The following NRG1 variants were observed in gnomAD, a reference collection of about 807,000 sequenced individuals.
NRG1 encodes the protein neuregulin 1, also known as pro-neuregulin-1, membrane-bound isoform.
NRG1 carries 18 observed loss-of-function variants against 63.8 expected under a neutral mutation model. The ratio of observed to expected loss-of-function variants is 0.28; its 90% confidence interval spans 0.19 to 0.42. The LOEUF (loss-of-function observed/expected upper bound fraction) is 0.42. Ranked by LOEUF, NRG1 falls within the 10% of genes least tolerant of loss-of-function variation. The probability of loss-of-function intolerance (pLI) is 1.00; values close to 1 mark genes in which losing one functional copy is unlikely to be tolerated. For missense variants in NRG1, 762 were observed against 814.7 expected (o/e 0.94, Z 0.79); for synonymous variants, 302 against 301.3 (o/e 1.00, Z -0.02).
At chr8:31,891,898 C>G (rs1456912821) in intron 1 of NRG1, among the ~76,000 whole-genome samples, 1 of 152,128 alleles carries the variant, frequency 6.6e-6, no homozygotes, top group Non-Finnish European at 1.5e-5. Flanking sequence ...AAAGGCCAAT[C>G]TCAAAAAATT....
At chr8:31,669,515 A>G (rs1806896085) in intron 1 of NRG1, among the ~76,000 whole-genome samples, 1 of 152,184 alleles carries the variant, frequency 6.6e-6, no homozygotes, top group African/African-American at 2.4e-5. Flanking sequence ...CTGGGATTAC[A>G]GACATGAGAC....
intron 1 of NRG1, among the ~76,000 whole-genome samples, chr8:32,448,265 A>G (rs1202930250): frequency 1.3e-5 from 2 of 152,224 alleles, no homozygotes; most frequent in African/African-American, 4.8e-5. Flanking sequence ...AGCATAAACC[A>G]CCAAAAGGAC....
chr8:32,610,745 A>G (rs777460615), intron 3 of NRG1, among the ~76,000 whole-genome samples: 12 of 152,196 alleles, frequency 7.9e-5, no homozygotes, highest in African/African-American at 1.4e-4. Flanking sequence ...TGTAGTAGAC[A>G]TATATCAACC....
At chr8:32,196,723 C>A (rs997134486) in intron 1 of NRG1, among the ~76,000 whole-genome samples, 1 of 152,022 alleles carries the variant, frequency 6.6e-6, no homozygotes, top group Non-Finnish European at 1.5e-5. Flanking sequence ...TTTTCAAACA[C>A]ATTCAAATAA....
At chr8:32,634,975 T>C (rs1196648600) in intron 5 of NRG1, among the ~76,000 whole-genome samples, 3 of 152,210 alleles carry the variant, frequency 2.0e-5, no homozygotes, top group South Asian at 2.1e-4. Flanking sequence ...ATCAGTTACT[T>C]TGCATACTGA....
intron 5 of NRG1, among the ~76,000 whole-genome samples, chr8:32,635,540 A>ATT (rs371951843): frequency 9.6e-4 from 143 of 149,098 alleles, no homozygotes; most frequent in Non-Finnish European, 1.7e-3. Context: ...TTTAGCCCTG[A>ATT]TTTTTTTTTT....
chr8:31,763,782 C>T (rs1437827893), intron 1 of NRG1, among the ~76,000 whole-genome samples: 1 of 152,142 alleles, frequency 6.6e-6, no homozygotes, highest in African/African-American at 2.4e-5. Flanking sequence ...AACCCCGTCT[C>T]TACTAAAAAT....
At chr8:31,837,347 A>G (rs1322169348) in intron 1 of NRG1, among the ~76,000 whole-genome samples, 2 of 152,002 alleles carry the variant, frequency 1.3e-5, no homozygotes, top group East Asian at 3.9e-4. Flanking sequence ...ATAAAATAGT[A>G]ATTATTTTTA....
chr8:32,698,267 A>T (rs1367461672), intron 5 of NRG1, among the ~76,000 whole-genome samples: 1 of 152,092 alleles, frequency 6.6e-6, no homozygotes, highest in Non-Finnish European at 1.5e-5. Flanking sequence ...TAAGTAAAGG[A>T]TAAGGAGAGA....
intron 5 of NRG1, among the ~76,000 whole-genome samples, chr8:32,676,314 A>T (rs1783827907): frequency 6.6e-6 from 1 of 152,216 alleles, no homozygotes; most frequent in Non-Finnish European, 1.5e-5. Context: ...ACAGGTGGCC[A>T]TGACCCCAGG....
At chr8:32,309,826 T>A (rs1856617550) in intron 1 of NRG1, among the ~76,000 whole-genome samples, 1 of 152,128 alleles carries the variant, frequency 6.6e-6, no homozygotes, top group East Asian at 1.9e-4. Context: ...TCCCCCAAAT[T>A]CCGCCTCCCA....
At chr8:32,271,934 C>A (rs1851593832) in intron 1 of NRG1, among the ~76,000 whole-genome samples, 1 of 152,174 alleles carries the variant, frequency 6.6e-6, no homozygotes, top group African/African-American at 2.4e-5. Flanking sequence ...GCAGTCCAGA[C>A]AGAGGCCTTA....
chr8:32,165,154 T>C (rs1016711106), intron 1 of NRG1, among the ~76,000 whole-genome samples: 4 of 151,832 alleles, frequency 2.6e-5, no homozygotes, highest in Non-Finnish European at 4.4e-5. Context: ...TTTTTTTTTT[T>C]CAGAGACAGT....
intron 1 of NRG1, among the ~76,000 whole-genome samples, chr8:32,521,308 T>G (rs1830320929): frequency 6.6e-6 from 1 of 152,300 alleles, no homozygotes; most frequent in Admixed American, 6.5e-5. Flanking sequence ...AAATAGTTGG[T>G]TTTGACAACA....
intron 1 of NRG1, among the ~76,000 whole-genome samples, chr8:32,258,040 T>A (rs1849929194): frequency 6.6e-6 from 1 of 152,216 alleles, no homozygotes; most frequent in African/African-American, 2.4e-5. Context: ...GTTTCCAATA[T>A]AGGACACATA....
intron 1 of NRG1, among the ~76,000 whole-genome samples, chr8:32,420,211 G>A (rs1370428403): frequency 6.6e-6 from 1 of 152,162 alleles, no homozygotes; most frequent in Non-Finnish European, 1.5e-5. Context: ...CGGTGGGGTG[G>A]CACATGCTCC....
chr8:31,685,188 A>T (rs1407261478), intron 1 of NRG1, among the ~76,000 whole-genome samples: 1 of 152,144 alleles, frequency 6.6e-6, no homozygotes, highest in Admixed American at 6.5e-5. Context: ...GGGGATACTT[A>T]TCTGAGATTC....
intron 1 of NRG1, among the ~76,000 whole-genome samples, chr8:32,498,883 T>C (rs1185380997): frequency 6.6e-6 from 1 of 152,210 alleles, no homozygotes; most frequent in African/African-American, 2.4e-5. Flanking sequence ...CATCCATTGA[T>C]TATCAATTGC....
At chr8:32,068,911 A>G (rs1043518215) in intron 1 of NRG1, among the ~76,000 whole-genome samples, 1 of 152,210 alleles carries the variant, frequency 6.6e-6, no homozygotes, top group Non-Finnish European at 1.5e-5. Flanking sequence ...GACTCTGATG[A>G]AGATGTAGGG....
Sources: gnomAD v4.1 joint callset for allele counts (sites outside exome capture counted in the v4.1 genomes callset) on GRCh38, gnomAD v4.1.1 for gene constraint, MANE v1.5 for transcripts, NCBI Gene and HGNC (gene_info 2026-07-23, HGNC 2026-07-21) for gene names.